The following DMD variants were observed in gnomAD, a reference collection of about 807,000 sequenced individuals.
DMD encodes the protein dystrophin.
Under a neutral mutation model 330.1 loss-of-function variants are expected in DMD, and 63 were observed. That is an observed-to-expected ratio of 0.19 (90% CI 0.16 to 0.24). The LOEUF is 0.24. Among genes scored for constraint, DMD ranks in the 10% least tolerant of loss-of-function variants. The pLI, the probability that DMD is intolerant of heterozygous loss-of-function variation, is 1.00. For missense variants in DMD, 3,344 were observed against 2,684.1 expected, an observed-to-expected ratio of 1.25 and a Z score of -5.43; for synonymous variants, 1,223 against 959.8, an observed-to-expected ratio of 1.27 and a Z score of -5.07.
rs1358980197 is a variant in DMD, at chrX:32,263,650, G to A, written c.6290+23879C>T. ...GAGAGAGCATTTTCCATGAAAATCTGAATTGATTTTCACTATCTAAAGACA... is the reference window on the plus strand; with the variant it reads ...GAGAGAGCATTTTCCATGAAAATCTAAATTGATTTTCACTATCTAAAGACA... On this transcript the variant is annotated intron_variant, in intron 43 of 78. Transcript: ENST00000357033. Among the ~76,000 whole-genome samples the A allele has an allele frequency of 3.6e-5, 4 of 111,896 alleles. No homozygotes were observed. The East Asian group carries it at 1.1e-3, about 32-fold the overall frequency.
intron 15 of DMD, among the ~76,000 whole-genome samples, 188 bp from the exon 16 acceptor site, chrX:32,566,069 G>T (rs911296422): frequency 1.8e-5 from 2 of 111,957 alleles, no homozygotes; most frequent in African/African-American, 6.5e-5. Context: ...ATCCCAAGAA[G>T]TTTGAAGAGA....
chrX:32,862,442 C>A (rs996207055), intron 2 of DMD, among the ~76,000 whole-genome samples: 2 of 111,549 alleles, frequency 1.8e-5, no homozygotes, highest in Middle Eastern at 4.7e-3. Context: ...GTATGCTTAA[C>A]AAAAAGTCAG....
chrX:32,249,523 G>T (rs2097255050), intron 43 of DMD, among the ~76,000 whole-genome samples: 1 of 111,576 alleles, frequency 9.0e-6, no homozygotes, highest in East Asian at 2.8e-4. Context: ...AATGGCAAGG[G>T]TCAGAATCAT....
At chrX:33,230,970 A>T (rs867417405) in intron 1 of DMD, among the ~76,000 whole-genome samples, 15 of 100,006 alleles carry the variant, frequency 1.5e-4, no homozygotes, top group African/African-American at 2.0e-4. Context: ...AAAAAAAAAA[A>T]AATAAATAAC....
intron 59 of DMD, among the ~76,000 whole-genome samples, chrX:31,457,547 C>A (rs1168166805): frequency 9.0e-6 from 1 of 111,390 alleles, no homozygotes; most frequent in Non-Finnish European, 1.9e-5. Context: ...TATATCATGG[C>A]TATAAAATAC....
chrX:33,051,981 A>C (rs1364692242), intron 1 of DMD, among the ~76,000 whole-genome samples: 1 of 111,124 alleles, frequency 9.0e-6, no homozygotes, highest in Non-Finnish European at 1.9e-5. Flanking sequence ...TATCTATGTG[A>C]CTATAATGAT....
At chrX:31,208,937 G>A in intron 65 of DMD, among the ~76,000 whole-genome samples, 1 of 111,375 alleles carries the variant, frequency 9.0e-6, no homozygotes, top group Non-Finnish European at 1.9e-5. Context: ...GATGAATGGA[G>A]GCGCCAAACT....
chrX:32,366,489 A>T (rs1215135921), intron 34 of DMD, among the ~76,000 whole-genome samples: 2 of 112,614 alleles, frequency 1.8e-5, no homozygotes, highest in Admixed American at 9.4e-5. Context: ...AAACAGCAAT[A>T]ACAGGAAAGT....
Position 31,857,380 on chromosome X carries a change from G to GGAA in DMD, c.7098+17807_7098+17808insTTC, listed in dbSNP as rs1448687044. ...GGTGATGGAGCAAGACTCCACCTCG[G>GGAA]AAAAAAAAAAAAAAAAAAAAAAAAA... On this transcript the variant is annotated intron_variant, in intron 48 of 78. Coordinates refer to ENST00000357033, the MANE Select transcript of DMD (RefSeq NM_004006.3). Among the ~76,000 whole-genome samples, 87 of 36,763 alleles carry GGAA rather than the reference G, an allele frequency of 2.4e-3. 7 individuals are homozygous for GGAA. The highest frequency in any genetic ancestry group is 9.6e-3 in the African/African-American group (83 of 8,639). 31.9% of individuals were successfully genotyped at this position (36,763 alleles called of 115,157 possible). A position where few individuals can be genotyped will look rare whatever the true frequency, so the allele number is the denominator to read the frequency against.
At chrX:31,298,603 A>C (rs756646627) in intron 62 of DMD, among the ~76,000 whole-genome samples, 1 of 112,524 alleles carries the variant, frequency 8.9e-6, no homozygotes, top group South Asian at 3.7e-4. Context: ...ATCTAACAGC[A>C]TAAATCTATT....
At chrX:31,798,209 T>G (rs976088703) in intron 50 of DMD, among the ~76,000 whole-genome samples, 1 of 111,678 alleles carries the variant, frequency 9.0e-6, no homozygotes, top group Non-Finnish European at 1.9e-5. Flanking sequence ...TCATACAGTT[T>G]TTGTTCTAGA....
chrX:31,444,380 A>G, intron 60 of DMD, 101 bp downstream of exon 60: 3 of 939,889 alleles, frequency 3.2e-6, no homozygotes, highest in Non-Finnish European at 4.6e-6. Flanking sequence ...AAATATTACC[A>G]TGAACATTAC....
At chrX:31,289,580 G>T (rs1330246707) in intron 62 of DMD, among the ~76,000 whole-genome samples, 1 of 110,828 alleles carries the variant, frequency 9.0e-6, no homozygotes, top group Non-Finnish European at 1.9e-5. Flanking sequence ...ATCTTACATA[G>T]AGTAAGCAGA....
Position 32,386,884 on chromosome X carries a change from T to C in DMD, c.4519-419A>G, listed in dbSNP as rs189088931. Among the ~76,000 whole-genome samples, 6 of 110,305 alleles carry C rather than the reference T, an allele frequency of 5.4e-5. No individual in the cohort carries two copies. The South Asian group carries it at 1.9e-3, about 35-fold the overall frequency. On this transcript the variant is annotated intron_variant, in intron 32 of 78. Coordinates refer to ENST00000357033, the MANE Select transcript of DMD (RefSeq NM_004006.3). ...TCGGGTATTTATTGAGTGGTTACTA[T>C]CAATCAGATAGTATTTGAATCACTG...
intron 60 of DMD, among the ~76,000 whole-genome samples, chrX:31,370,916 T>C (rs1339695734): frequency 8.9e-6 from 1 of 112,015 alleles, no homozygotes; most frequent in Non-Finnish European, 1.9e-5. Flanking sequence ...GTGAGTCAAG[T>C]CCATCCCAAA....
At chrX:32,972,737 C>T (rs1285349586) in intron 2 of DMD, among the ~76,000 whole-genome samples, 1 of 111,654 alleles carries the variant, frequency 9.0e-6, no homozygotes, top group Non-Finnish European at 1.9e-5. Flanking sequence ...TCATTAGCAT[C>T]TCCGTACTTT....
chrX:33,281,278 G>A (rs1411401544), intron 1 of DMD, among the ~76,000 whole-genome samples: 2 of 104,548 alleles, frequency 1.9e-5, no homozygotes, highest in African/African-American at 3.5e-5. Flanking sequence ...GCGCGATCTC[G>A]GTTCACTGCA....
In DMD at chrX:32,604,276, A is replaced by G. The variant is rs1458439994; in HGVS notation, c.1483-8400T>C. The stretch of plus-strand genomic sequence containing the variant: ...CAGAGCAATATATGTGATTCACCAC[A>G]TAAAAAGAATTAAAAACAAAAAACA... On this transcript the variant is annotated intron_variant, in intron 12 of 78. Transcript: ENST00000357033. 7.2e-5 allele frequency among the ~76,000 whole-genome samples: 8 copies of G among 111,129 alleles called. 1 individual carries two copies. The highest frequency in any genetic ancestry group is 1.5e-4 in the Non-Finnish European group (8 of 52,671).
intron 1 of DMD, among the ~76,000 whole-genome samples, chrX:33,227,028 T>C (rs1307416612): frequency 9.1e-6 from 1 of 110,031 alleles, no homozygotes; most frequent in Non-Finnish European, 1.9e-5. Flanking sequence ...AAAAGAATTA[T>C]CTAATTCAGG....
Sources: allele counts gnomAD v4.1 joint callset (sites outside exome capture counted in the v4.1 genomes callset), GRCh38; gene constraint gnomAD v4.1.1; transcripts MANE v1.5; gene names NCBI Gene and HGNC (gene_info 2026-07-23, HGNC 2026-07-21).